The following PDCL2 variants were observed in gnomAD, a reference collection of about 807,000 sequenced individuals.
PDCL2 encodes the protein phosducin like 2, also known as phosducin-like protein 2.
In PDCL2, 23 loss-of-function variants were observed where a neutral mutation model predicts 30.3. The observed-to-expected ratio is 0.76, with a 90% CI of 0.55 to 1.08. The LOEUF (loss-of-function observed/expected upper bound fraction) is 1.08, where lower values mean the gene tolerates loss of function less well. Among genes scored for constraint, PDCL2 ranks in the 50% least tolerant of loss-of-function variants. The pLI is 0.00. For synonymous variants in PDCL2, 68 were observed against 86.2 expected, an observed-to-expected ratio of 0.79 and a Z score of 1.17; for missense variants, 243 against 282.3, an observed-to-expected ratio of 0.86 and a Z score of 1.00.
intron 3 of PDCL2, among the ~76,000 whole-genome samples, chr4:55,572,610 T>C (rs943257706): frequency 3.9e-5 from 6 of 152,176 alleles, no homozygotes; most frequent in African/African-American, 1.4e-4. Flanking sequence ...CTCAGCATCA[T>C]GCAATATACC....
rs559979528 is a variant in PDCL2, at chr4:55,560,192, G to GC, written c.571+2211_571+2212insG. ...TTGATATCTGTCTCAAAAAAAAAGG[G>GC]GGGGGGGACGAGATACACACTAAAT... On this transcript the variant is annotated intron_variant, in intron 5 of 5. Transcript: ENST00000295645. 8.4e-4 allele frequency among the ~76,000 whole-genome samples: 122 copies of GC among 145,204 alleles called. 1 individual carries two copies. In the Middle Eastern group the frequency reaches 0.01, roughly 12 times the overall value.
Position 55,565,988 on chromosome 4 carries a change from T to TG in PDCL2, c.363-3377_363-3376insC, listed in dbSNP as rs1159997357. ...CCATTTTTCTGTTTTTTTTTTTTTT[T>TG]TTTTTTTTTTGAGATGGAGTCCTGC... On this transcript the variant is annotated intron_variant, in intron 4 of 5. Transcript: ENST00000295645. Among the ~76,000 whole-genome samples, 3 of 136,686 alleles carry TG rather than the reference T, an allele frequency of 2.2e-5. No individual in the cohort carries two copies. In the East Asian group the frequency reaches 6.3e-4, roughly 29 times the overall value. 89.7% of individuals were successfully genotyped at this position (136,686 alleles called of 152,430 possible).
At chr4:55,589,837 AAAG>A (rs1240524022) in intron 1 of PDCL2, among the ~76,000 whole-genome samples, 4 of 152,190 alleles carry the variant, frequency 2.6e-5, no homozygotes, top group Non-Finnish European at 4.4e-5. Context: ...CGCTGAAACA[AAAG>A]AAGAAGGGTA....
rs2110149723 is a variant in PDCL2 at position 55,556,679 on chromosome 4, T to C, written c.604A>G (p.Ile202Val). 6.4e-7 allele frequency: 1 copy of C among 1,563,146 alleles called. No homozygotes were observed. Among genetic ancestry groups the C allele is most frequent in the Non-Finnish European group, 8.7e-7 (1 of 1,153,168 alleles). ...LEWKLAEVGAIQTDLEENPRK... is the reference protein window; with the variant it reads ...LEWKLAEVGAVQTDLEENPRK... The stretch of plus-strand genomic sequence containing the variant: ...GGGTTTTCTTCCAAATCAGTCTGTA[T>C]TGCTCCAACTTCTGCTAGCTTCCAT... Residue 202 changes from isoleucine (I) to valine (V), a missense_variant, in exon 6 of 6, where the codon ATA becomes GTA. Coordinates refer to ENST00000295645, the MANE Select transcript of PDCL2 (RefSeq NM_152401.3).
At position 55,564,375 on chromosome 4, in the gene PDCL2, G is replaced by A. The variant is rs911672876; in HGVS notation, c.363-1763C>T. Among the ~76,000 whole-genome samples, 7 of 152,276 alleles carry A rather than the reference G, an allele frequency of 4.6e-5. No homozygotes were observed. The South Asian group carries it at 1.5e-3, about 32-fold the overall frequency. On this transcript the variant is annotated intron_variant, in intron 4 of 5. Coordinates refer to ENST00000295645, the MANE Select transcript of PDCL2 (RefSeq NM_152401.3). ...AAGACAGTTCTGACAGCAAGTAGTA[G>A]GGGAACAAATTTGGTGTTGGGGCTC...
At chr4:55,563,507 C>A (rs1732186329) in intron 4 of PDCL2, among the ~76,000 whole-genome samples, 2 of 152,174 alleles carry the variant, frequency 1.3e-5, no homozygotes, top group Admixed American at 6.5e-5. Flanking sequence ...ATGGTGAAAC[C>A]CTGTCTCTAC....
chr4:55,591,591 T>C (rs1733002428), intron 1 of PDCL2, among the ~76,000 whole-genome samples: 1 of 152,182 alleles, frequency 6.6e-6, no homozygotes, highest in Non-Finnish European at 1.5e-5. Flanking sequence ...TTCACCATGT[T>C]GGCCAAGATG....
intron 1 of PDCL2, 41 bp downstream of exon 1, chr4:55,592,063 A>T: frequency 6.2e-7 from 1 of 1,606,350 alleles, no homozygotes; most frequent in Non-Finnish European, 8.5e-7. Flanking sequence ...CTGGAGACCC[A>T]CTGGGTGTTC....
At chr4:55,570,963 G>A (rs1008239469) in intron 3 of PDCL2, among the ~76,000 whole-genome samples, 2 of 151,994 alleles carry the variant, frequency 1.3e-5, no homozygotes, top group African/African-American at 4.8e-5. Context: ...CCCCTCCCAG[G>A]GCTAGTGAAC....
chr4:55,568,952 C>T (rs1029781870), intron 4 of PDCL2, among the ~76,000 whole-genome samples: 1 of 152,138 alleles, frequency 6.6e-6, no homozygotes, highest in Non-Finnish European at 1.5e-5. Context: ...TTTACCATCC[C>T]ACAGTTTGTC....
intron 3 of PDCL2, among the ~76,000 whole-genome samples, chr4:55,575,030 T>G (rs1732527541): frequency 6.6e-6 from 1 of 152,194 alleles, no homozygotes; most frequent in South Asian, 2.1e-4. Flanking sequence ...CAGTGGCAAT[T>G]CAAAGGGTTC....
intron 1 of PDCL2, among the ~76,000 whole-genome samples, chr4:55,585,556 AC>A (rs1254538739): frequency 7.2e-5 from 11 of 152,062 alleles, no homozygotes; most frequent in African/African-American, 2.7e-4. Flanking sequence ...ACACACACAC[AC>A]ACACAAAGAT....
At chr4:55,568,203 G>C (rs922288271) in intron 4 of PDCL2, among the ~76,000 whole-genome samples, 20 of 152,292 alleles carry the variant, frequency 1.3e-4, no homozygotes, top group African/African-American at 3.4e-4. Context: ...CATGGCCTCT[G>C]TTCCTAGAAT....
chr4:55,557,168 A>G (rs1313644727), intron 5 of PDCL2, among the ~76,000 whole-genome samples: 1 of 152,216 alleles, frequency 6.6e-6, no homozygotes, highest in African/African-American at 2.4e-5. Context: ...GGTGACAGTA[A>G]AAGTGCTACA....
intron 3 of PDCL2, among the ~76,000 whole-genome samples, chr4:55,576,606 C>G (rs1441157556): frequency 6.6e-6 from 1 of 151,846 alleles, no homozygotes; most frequent in Non-Finnish European, 1.5e-5. Context: ...TAATTTTTAT[C>G]CTTAAGATAA....
intron 3 of PDCL2, among the ~76,000 whole-genome samples, chr4:55,576,723 C>T (rs1470870056): frequency 6.6e-6 from 1 of 152,100 alleles, no homozygotes; most frequent in Admixed American, 6.5e-5. Flanking sequence ...TAATGGAAGA[C>T]TTAAAAAACA....
At chr4:55,590,452 C>T (rs1732970807) in intron 1 of PDCL2, among the ~76,000 whole-genome samples, 2 of 95,708 alleles carry the variant, frequency 2.1e-5, no homozygotes, top group South Asian at 6.9e-4. Flanking sequence ...GAGCAAGATC[C>T]TGTCTCCAAA....
chr4:55,565,973 G>GTTTTTTTTTTTTTT (rs71194595), intron 4 of PDCL2, among the ~76,000 whole-genome samples: 2 of 74,494 alleles, frequency 2.7e-5, no homozygotes, highest in Non-Finnish European at 4.8e-5. Context: ...CCATTTTTCT[G>GTTTTTTTTTTTTTT]TTTTTTTTTT....
At position 55,590,622 on chromosome 4, in the gene PDCL2, G is replaced by A. The variant is rs191187902; in HGVS notation, c.6+1482C>T. Among the ~76,000 whole-genome samples the A allele has an allele frequency of 3.3e-3, 501 of 151,820 alleles. 2 individuals carry two copies. Among genetic ancestry groups the A allele is most frequent in the African/African-American group, 0.011 (460 of 41,456 alleles). ...CTGTCTCAGCCTCCCAAGTAGCTGGGACTACAGGTATGTGCCACAATGTCC... is the reference window on the plus strand; with the variant it reads ...CTGTCTCAGCCTCCCAAGTAGCTGGAACTACAGGTATGTGCCACAATGTCC... On this transcript the variant is annotated intron_variant, in intron 1 of 5. Transcript: ENST00000295645.
Sources: gnomAD v4.1 joint callset for allele counts (sites outside exome capture counted in the v4.1 genomes callset) on GRCh38, gnomAD v4.1.1 for gene constraint, MANE v1.5 for transcripts, NCBI Gene and HGNC (gene_info 2026-07-23, HGNC 2026-07-21) for gene names.